RAD51B: variants seen among roughly 807,000 people sequenced by gnomAD.
RAD51B encodes RAD51 paralog B.
Under a neutral mutation model 42.2 loss-of-function variants are expected in RAD51B, and 38 were observed. That is an observed-to-expected ratio of 0.90 (90% CI 0.70 to 1.18). The LOEUF is 1.18. RAD51B is among the 50% of genes most tolerant of loss of function. RAD51B has a pLI of 0.00. For missense variants in RAD51B, 373 were observed against 400.7 expected (o/e 0.93, Z 0.59); for synonymous variants, 154 against 145.2 (o/e 1.06, Z -0.43).
chr14:68,082,211 C>T (rs761594916), intron 7 of RAD51B, among the ~76,000 whole-genome samples: 16 of 152,080 alleles, frequency 1.1e-4, no homozygotes, highest in Non-Finnish European at 1.3e-4. Context: ...CTGCCTGCCT[C>T]GGCCTCCCAA....
intron 10 of RAD51B, among the ~76,000 whole-genome samples, chr14:68,564,502 G>C (rs530273852): frequency 1.3e-5 from 2 of 152,350 alleles, no homozygotes; most frequent in South Asian, 4.1e-4. Flanking sequence ...CTTCCCCAGA[G>C]AGGAAGCCGA....
At chr14:68,030,091 G>A (rs1466119387) in intron 7 of RAD51B, among the ~76,000 whole-genome samples, 1 of 152,206 alleles carries the variant, frequency 6.6e-6, no homozygotes, top group South Asian at 2.1e-4. Context: ...AGGTTTTGTT[G>A]TTCTATTTCC....
At chr14:67,976,355 C>G (rs1047573838) in intron 7 of RAD51B, among the ~76,000 whole-genome samples, 1 of 151,938 alleles carries the variant, frequency 6.6e-6, no homozygotes, top group Non-Finnish European at 1.5e-5. Flanking sequence ...TGGGCTCAAG[C>G]GATCCTCTCA....
At chr14:68,120,636 GT>G (rs1033880035) in intron 7 of RAD51B, among the ~76,000 whole-genome samples, 7 of 151,546 alleles carry the variant, frequency 4.6e-5, no homozygotes, top group South Asian at 2.1e-4. Flanking sequence ...TTCAAGGTGG[GT>G]TTTTTTTTCT....
chr14:67,871,300 T>TA (rs1160032421), intron 5 of RAD51B, among the ~76,000 whole-genome samples: 1 of 152,090 alleles, frequency 6.6e-6, no homozygotes, highest in Non-Finnish European at 1.5e-5. Context: ...CAGAGAATAC[T>TA]ACAAACACCT....
rs543942847 is a variant in RAD51B, at chr14:68,332,033, A to G, written c.853+40053A>G. ...AAGCAAACAAAAAGCCCCAAACAAC[A>G]GCAGCAAAACCCGACTTCCAAAAAG... On this transcript the variant is annotated intron_variant, in intron 8 of 10. Transcript: ENST00000471583. Among the ~76,000 whole-genome samples, 27 of 152,348 alleles carry G rather than the reference A, an allele frequency of 1.8e-4. 1 individual carries two copies. The Middle Eastern group carries it at 0.01, about 58-fold the overall frequency.
intron 8 of RAD51B, among the ~76,000 whole-genome samples, chr14:68,374,243 G>C (rs774094588): frequency 1.3e-5 from 2 of 152,076 alleles, no homozygotes; most frequent in African/African-American, 2.4e-5. Flanking sequence ...GTCTCACTCT[G>C]GCACATAATA....
downstream of RAD51B, chr14:68,478,197 G>C (rs1882873888): frequency 9.9e-7 from 1 of 1,010,866 alleles, no homozygotes; most frequent in African/African-American, 1.7e-5. Context: ...TGGGCAAGGG[G>C]GTCGACTCTG....
chr14:68,519,216 A>G (rs1886396490), intron 10 of RAD51B, among the ~76,000 whole-genome samples: 1 of 152,210 alleles, frequency 6.6e-6, no homozygotes, highest in African/African-American at 2.4e-5. Flanking sequence ...CACTCAAAGT[A>G]TGATTCTCAG....
At chr14:68,483,220 C>T (rs1437098890) in intron 10 of RAD51B, among the ~76,000 whole-genome samples, 2 of 152,208 alleles carry the variant, frequency 1.3e-5, no homozygotes, top group East Asian at 3.8e-4. Context: ...TATTGGTGAA[C>T]ACCTGTAATG....
At chr14:67,834,165 C>T (rs929224165) in intron 3 of RAD51B, among the ~76,000 whole-genome samples, 1 of 152,162 alleles carries the variant, frequency 6.6e-6, no homozygotes, top group African/African-American at 2.4e-5. Flanking sequence ...CATTCCTTGG[C>T]TTGTGGCTGC....
intron 7 of RAD51B, among the ~76,000 whole-genome samples, chr14:68,165,803 T>G (rs1386744644): frequency 6.6e-6 from 1 of 152,192 alleles, no homozygotes; most frequent in Non-Finnish European, 1.5e-5. Context: ...CTCATTGGCT[T>G]TATACTCGAA....
chr14:68,576,130 G>A (rs577980599), intron 10 of RAD51B, among the ~76,000 whole-genome samples: 1 of 152,318 alleles, frequency 6.6e-6, no homozygotes, highest in African/African-American at 2.4e-5. Flanking sequence ...CCATAGCCAA[G>A]CACCAGAGCA....
intron 5 of RAD51B, among the ~76,000 whole-genome samples, chr14:67,881,343 G>A (rs137994444): frequency 2.0e-5 from 3 of 152,134 alleles, no homozygotes; most frequent in East Asian, 1.9e-4. Context: ...GTGTAAACCC[G>A]AACTGTTCTC....
At chr14:68,522,837 C>T (rs1428740450) in intron 10 of RAD51B, among the ~76,000 whole-genome samples, 2 of 152,164 alleles carry the variant, frequency 1.3e-5, no homozygotes, top group Non-Finnish European at 2.9e-5. Flanking sequence ...CCAACTTTGC[C>T]TGTGCCAAAA....
chr14:67,965,150 C>T (rs1270324387), intron 7 of RAD51B, among the ~76,000 whole-genome samples: 8 of 152,070 alleles, frequency 5.3e-5, no homozygotes, highest in Admixed American at 3.3e-4. Flanking sequence ...CTAATTTTTC[C>T]GGATACTCTC....
chr14:68,350,002 A>G (rs1212069035), intron 8 of RAD51B, among the ~76,000 whole-genome samples: 1 of 152,246 alleles, frequency 6.6e-6, no homozygotes, highest in Non-Finnish European at 1.5e-5. Flanking sequence ...CTGGGAGGAA[A>G]TCGGTGTCTT....
chr14:68,574,895 G>A (rs1889893388), intron 10 of RAD51B, among the ~76,000 whole-genome samples: 1 of 152,194 alleles, frequency 6.6e-6, no homozygotes, highest in Admixed American at 6.5e-5. Context: ...GAAGTGTGGG[G>A]GGGATTGGGG....
At chr14:68,346,039 T>C (rs11158730) in intron 8 of RAD51B, among the ~76,000 whole-genome samples, 75,946 of 152,128 alleles carry the variant, frequency 0.5, 21,779 homozygotes, top group South Asian at 0.67. Context: ...ATTTAATAGT[T>C]CCCTCAAACC....
Sources: allele counts gnomAD v4.1 joint callset (sites outside exome capture counted in the v4.1 genomes callset), GRCh38; gene constraint gnomAD v4.1.1; transcripts MANE v1.5; gene names NCBI Gene and HGNC (gene_info 2026-07-23, HGNC 2026-07-21).